The following OSBPL8 variants were observed in gnomAD, a reference collection of about 807,000 sequenced individuals.
OSBPL8 encodes oxysterol-binding protein-related protein 8.
Under a neutral mutation model 125.5 loss-of-function variants are expected in OSBPL8, and 59 were observed. The observed-to-expected ratio is 0.47, with a 90% CI of 0.38 to 0.58. The LOEUF (loss-of-function observed/expected upper bound fraction) is 0.58, where lower values mean the gene tolerates loss of function less well. Among genes scored for constraint, OSBPL8 ranks in the 20% least tolerant of loss-of-function variants. The probability of loss-of-function intolerance (pLI) is 0.00; values close to 1 mark genes in which losing one functional copy is unlikely to be tolerated. For synonymous variants in OSBPL8, 330 were observed against 338.9 expected (o/e 0.97, Z 0.29); for missense variants, 758 against 1,047.8 (o/e 0.72, Z 3.82).
At chr12:76,384,669 C>T (rs189488635) in intron 14 of OSBPL8, among the ~76,000 whole-genome samples, 156 of 152,208 alleles carry the variant, frequency 1.0e-3, no homozygotes, top group African/African-American at 3.4e-3. Flanking sequence ...TGTCTCTCTG[C>T]CTATCTCTCA....
chr12:76,462,835 G>C (rs190294577), intron 2 of OSBPL8, among the ~76,000 whole-genome samples: 250 of 152,262 alleles, frequency 1.6e-3, no homozygotes, highest in African/African-American at 5.7e-3. Flanking sequence ...GGAAGAGCAA[G>C]TGTACAGGAT....
At chr12:76,477,686 G>A (rs912139895) in intron 2 of OSBPL8, among the ~76,000 whole-genome samples, 4 of 151,970 alleles carry the variant, frequency 2.6e-5, no homozygotes, top group African/African-American at 9.7e-5. Context: ...TCTGAATCAA[G>A]TATGGATTTC....
chr12:76,461,146 C>G (rs1047240915), intron 2 of OSBPL8, among the ~76,000 whole-genome samples: 1 of 152,162 alleles, frequency 6.6e-6, no homozygotes, highest in Non-Finnish European at 1.5e-5. Context: ...CCTCTGCCTC[C>G]CAAAATGCTG....
At chr12:76,535,797 T>C (rs1426265664) in intron 1 of OSBPL8, among the ~76,000 whole-genome samples, 3 of 152,142 alleles carry the variant, frequency 2.0e-5, no homozygotes, top group African/African-American at 7.2e-5. Flanking sequence ...TATGATTCCG[T>C]TCATATGAAA....
chr12:76,529,528 G>GA (rs200831955), intron 1 of OSBPL8, among the ~76,000 whole-genome samples: 29,202 of 117,638 alleles, frequency 0.25, 2,945 homozygotes, highest in Middle Eastern at 0.3. Context: ...CTACCAAACA[G>GA]AAAAAAAAAA....
chr12:76,421,199 T>C (rs1273230757), intron 4 of OSBPL8, among the ~76,000 whole-genome samples: 1 of 151,812 alleles, frequency 6.6e-6, no homozygotes, highest in East Asian at 1.9e-4. Flanking sequence ...CAGAAACAAA[T>C]ACAGAAATGA....
chr12:76,464,374 ATT>A (rs1355253900), intron 2 of OSBPL8, among the ~76,000 whole-genome samples: 2 of 152,196 alleles, frequency 1.3e-5, no homozygotes, highest in Non-Finnish European at 2.9e-5. Context: ...CAGTTATCTA[ATT>A]TTGTTATAAG....
At chr12:76,471,506 A>G (rs1488619757) in intron 2 of OSBPL8, among the ~76,000 whole-genome samples, 1 of 152,038 alleles carries the variant, frequency 6.6e-6, no homozygotes, top group Non-Finnish European at 1.5e-5. Context: ...TCTCATATTT[A>G]CCCTTTATTT....
intron 1 of OSBPL8, among the ~76,000 whole-genome samples, chr12:76,535,788 A>G (rs1271660761): frequency 1.3e-5 from 2 of 152,248 alleles, no homozygotes; most frequent in Admixed American, 6.5e-5. Context: ...TACATACTCT[A>G]TGATTCCGTT....
At chr12:76,396,785 C>T (rs1362587601) in intron 8 of OSBPL8, among the ~76,000 whole-genome samples, 1 of 152,028 alleles carries the variant, frequency 6.6e-6, no homozygotes, top group Non-Finnish European at 1.5e-5. Flanking sequence ...ACCACTTAAA[C>T]TTGATTCATT....
At chr12:76,385,835 T>C (rs1170847629) in intron 14 of OSBPL8, among the ~76,000 whole-genome samples, 2 of 151,628 alleles carry the variant, frequency 1.3e-5, no homozygotes, top group African/African-American at 4.8e-5. Flanking sequence ...GACAAATGAA[T>C]GCCACACCAC....
intron 1 of OSBPL8, among the ~76,000 whole-genome samples, chr12:76,538,495 T>A (rs1255286855): frequency 6.6e-6 from 1 of 152,184 alleles, no homozygotes; most frequent in Non-Finnish European, 1.5e-5. Context: ...TATTTTTAAA[T>A]GAGGATTATG....
chr12:76,400,046 C>G (rs1953983885), intron 6 of OSBPL8, 72 bp from the exon 7 acceptor site: 1 of 1,147,432 alleles, frequency 8.7e-7, no homozygotes, highest in Non-Finnish European at 1.2e-6. Flanking sequence ...TTCAGGGGTA[C>G]AAATGCAGGT....
intron 10 of OSBPL8, among the ~76,000 whole-genome samples, 193 bp from the exon 11 acceptor site, chr12:76,390,850 A>G (rs1953529898): frequency 6.6e-6 from 1 of 152,210 alleles, no homozygotes; most frequent in African/African-American, 2.4e-5. Context: ...TTCTCATTTT[A>G]CAGATTAGTA....
In OSBPL8 at chr12:76,490,847, T is replaced by C. The variant is rs143194264; in HGVS notation, c.-67-3229A>G. ...GCTAACAGAGCACTGTAATATGCCC[T>C]CTGGGGCTTCAGGAGTCACAGGCAC... On this transcript the variant is annotated intron_variant, in intron 1 of 23. Transcript: ENST00000261183. 3.9e-5 allele frequency among the ~76,000 whole-genome samples: 6 copies of C among 152,318 alleles called. 1 individual carries two copies. The highest frequency in any genetic ancestry group is 1.4e-4 in the African/African-American group (6 of 41,568).
intron 1 of OSBPL8, among the ~76,000 whole-genome samples, chr12:76,523,312 T>C (rs757726412): frequency 3.3e-5 from 5 of 152,200 alleles, no homozygotes; most frequent in Non-Finnish European, 1.5e-5. Context: ...TTCTAAAGTA[T>C]TCTTCTTCCC....
rs576127002 is a variant in OSBPL8 at position 76,485,205 on chromosome 12, G to C, written c.42+2305C>G. On this transcript the variant is annotated intron_variant, in intron 2 of 23. Coordinates refer to ENST00000261183, the MANE Select transcript of OSBPL8 (RefSeq NM_020841.5). ...CCCAAAGTGCTGGGATTACAGGTGT[G>C]ACGCACCGTGCCCGGCCTCTCACTA... 1.2e-4 allele frequency among the ~76,000 whole-genome samples: 19 copies of C among 152,142 alleles called. No individual in the cohort carries two copies. The East Asian group carries it at 2.3e-3, about 19-fold the overall frequency.
intron 2 of OSBPL8, among the ~76,000 whole-genome samples, chr12:76,470,771 C>T (rs1214902788): frequency 6.6e-6 from 1 of 152,132 alleles, no homozygotes; most frequent in Non-Finnish European, 1.5e-5. Flanking sequence ...CATCAATCTA[C>T]CACACATAAG....
At chr12:76,492,984 G>A (rs976066680) in intron 1 of OSBPL8, among the ~76,000 whole-genome samples, 4 of 151,518 alleles carry the variant, frequency 2.6e-5, no homozygotes, top group African/African-American at 7.3e-5. Context: ...GCACATTCTG[G>A]GTCAAAATTT....
Sources: gnomAD v4.1 joint callset for allele counts (sites outside exome capture counted in the v4.1 genomes callset) on GRCh38, gnomAD v4.1.1 for gene constraint, MANE v1.5 for transcripts, NCBI Gene and HGNC (gene_info 2026-07-23, HGNC 2026-07-21) for gene names.